Variants in PRKG1 observed in about 807,000 individuals in gnomAD.
PRKG1 encodes protein kinase cGMP-dependent 1.
In PRKG1, 35 loss-of-function variants were observed where a neutral mutation model predicts 88.1. That is an observed-to-expected ratio of 0.40 (90% confidence interval 0.30 to 0.53). The LOEUF (loss-of-function observed/expected upper bound fraction) is 0.53, where lower values mean the gene tolerates loss of function less well. Among genes scored for constraint, PRKG1 ranks in the 20% least tolerant of loss-of-function variants. The pLI is 0.59. For synonymous variants in PRKG1, 303 were observed against 292.5 expected (o/e 1.04, Z -0.37); for missense variants, 540 against 839.8 (o/e 0.64, Z 4.41).
chr10:50,996,201 C>T (rs2339689), intron 1 of PRKG1, among the ~76,000 whole-genome samples: 2 of 152,300 alleles, frequency 1.3e-5, no homozygotes, highest in African/African-American at 4.8e-5. Flanking sequence ...ATCATTTTCT[C>T]ACAGCAGCCC....
At chr10:51,838,681 T>G (rs1008544704) in intron 4 of PRKG1, among the ~76,000 whole-genome samples, 15 of 152,194 alleles carry the variant, frequency 9.9e-5, no homozygotes, top group African/African-American at 3.6e-4. Context: ...GAGATTGTTT[T>G]GGGAATCCTT....
intron 3 of PRKG1, among the ~76,000 whole-genome samples, chr10:51,627,117 C>T (rs549257643): frequency 7.5e-4 from 114 of 152,116 alleles, no homozygotes; most frequent in Non-Finnish European, 1.3e-3. Context: ...AAAGGAGTCA[C>T]GGTGACTTTC....
At chr10:51,834,328 A>T (rs529046559) in intron 4 of PRKG1, among the ~76,000 whole-genome samples, 1 of 152,230 alleles carries the variant, frequency 6.6e-6, no homozygotes, top group South Asian at 2.1e-4. Flanking sequence ...ACTGTGTTCT[A>T]GGCCTAAATT....
At chr10:51,019,060 A>AT (rs1173381582) in intron 1 of PRKG1, among the ~76,000 whole-genome samples, 11 of 152,208 alleles carry the variant, frequency 7.2e-5, no homozygotes, top group Non-Finnish European at 1.2e-4. Context: ...CCTTTCTGTC[A>AT]TTATGAACTC....
chr10:51,156,520 T>C (rs1230128802), intron 2 of PRKG1, among the ~76,000 whole-genome samples: 1 of 152,138 alleles, frequency 6.6e-6, no homozygotes, highest in East Asian at 1.9e-4. Context: ...AATATATCAA[T>C]ATTCAGAGTC....
chr10:52,106,924 G>A (rs1303794370), intron 7 of PRKG1, among the ~76,000 whole-genome samples: 1 of 151,992 alleles, frequency 6.6e-6, no homozygotes, highest in Non-Finnish European at 1.5e-5. Context: ...GCACCCTTCA[G>A]CTATGGTTAG....
intron 2 of PRKG1, among the ~76,000 whole-genome samples, chr10:51,381,505 T>A (rs1564469841): frequency 6.6e-6 from 1 of 151,942 alleles, no homozygotes; most frequent in Admixed American, 6.6e-5. Flanking sequence ...TTTTACTAGA[T>A]CCCAGTGCAG....
chr10:51,048,134 C>T (rs1843514655), intron 1 of PRKG1, among the ~76,000 whole-genome samples: 1 of 152,264 alleles, frequency 6.6e-6, no homozygotes, highest in African/African-American at 2.4e-5. Context: ...ACTTCAAAAC[C>T]TCATTCTTTC....
chr10:51,370,946 T>C (rs759311393), intron 2 of PRKG1, among the ~76,000 whole-genome samples: 6 of 152,152 alleles, frequency 3.9e-5, no homozygotes, highest in Non-Finnish European at 8.8e-5. Flanking sequence ...GAGATCCTTC[T>C]TAATTTGTCC....
At chr10:51,201,888 T>C (rs1837921432) in intron 2 of PRKG1, among the ~76,000 whole-genome samples, 1 of 152,244 alleles carries the variant, frequency 6.6e-6, no homozygotes, top group South Asian at 2.1e-4. Flanking sequence ...TACTTTGTTA[T>C]AATACCCCAA....
chr10:51,130,410 A>G (rs539512023), intron 1 of PRKG1, among the ~76,000 whole-genome samples: 2 of 152,286 alleles, frequency 1.3e-5, no homozygotes, highest in African/African-American at 2.4e-5. Context: ...CTTCCCTAGC[A>G]TGACATAAAC....
chr10:52,291,667 G>A (rs1284020662), intron 17 of PRKG1, among the ~76,000 whole-genome samples: 3 of 151,966 alleles, frequency 2.0e-5, no homozygotes, highest in Non-Finnish European at 4.4e-5. Flanking sequence ...GGACATTTGG[G>A]TTAGTTCCAA....
At chr10:51,061,060 G>GGTGTGTGTGTGTGTGTGTGTGTGTGTGT (rs71029344) in intron 1 of PRKG1, among the ~76,000 whole-genome samples, 5 of 147,042 alleles carry the variant, frequency 3.4e-5, no homozygotes, top group African/African-American at 1.3e-4. Context: ...TATACCTAGG[G>GGTGTGTGTGTGTGTGTGTGTGTGTGTGT]GTGTGTGTGT....
chr10:52,030,476 A>T (rs1845447910), intron 5 of PRKG1, among the ~76,000 whole-genome samples: 1 of 152,244 alleles, frequency 6.6e-6, no homozygotes, highest in South Asian at 2.1e-4. Flanking sequence ...CATCATCTGC[A>T]TATGCCCATT....
intron 2 of PRKG1, among the ~76,000 whole-genome samples, chr10:51,335,463 C>T (rs921793186): frequency 5.9e-5 from 9 of 152,146 alleles, no homozygotes; most frequent in African/African-American, 1.9e-4. Flanking sequence ...TGTCCCATTA[C>T]AAGCTAGTCA....
chr10:51,053,185 A>G (rs764891598), intron 1 of PRKG1, among the ~76,000 whole-genome samples: 14 of 152,086 alleles, frequency 9.2e-5, no homozygotes, highest in Non-Finnish European at 2.1e-4. Context: ...AGCCAAGATC[A>G]CACCATTGCA....
At chr10:51,928,765 G>C (rs10508954) in intron 5 of PRKG1, among the ~76,000 whole-genome samples, 31,881 of 152,012 alleles carry the variant, frequency 0.21, 5,643 homozygotes, top group African/African-American at 0.48. Context: ...CATAATTACT[G>C]TTGACCCACA....
chr10:52,121,524 G>A (rs1847819091), intron 7 of PRKG1, among the ~76,000 whole-genome samples: 1 of 152,142 alleles, frequency 6.6e-6, no homozygotes. Context: ...AGCTAAAAGA[G>A]GCCATGTAGC....
intron 5 of PRKG1, among the ~76,000 whole-genome samples, chr10:51,984,927 C>G (rs766943006): frequency 2.6e-4 from 40 of 152,066 alleles, no homozygotes; most frequent in Non-Finnish European, 5.6e-4. Context: ...GTTTTGTTCC[C>G]TCTGGGCAGT....
Sources: allele counts gnomAD v4.1 joint callset (sites outside exome capture counted in the v4.1 genomes callset), GRCh38; gene constraint gnomAD v4.1.1; transcripts MANE v1.5; gene names NCBI Gene and HGNC (gene_info 2026-07-23, HGNC 2026-07-21).